Variants in ASTN2 observed in about 807,000 individuals in gnomAD.
ASTN2 encodes the protein astrotactin 2, also known as astrotactin-2.
ASTN2 carries 54 observed loss-of-function variants against 139.8 expected under a neutral mutation model. That is an observed-to-expected ratio of 0.39 (90% CI 0.31 to 0.48). The LOEUF (loss-of-function observed/expected upper bound fraction) is 0.48. Ranked by LOEUF, ASTN2 falls within the 20% of genes least tolerant of loss-of-function variation. The probability of loss-of-function intolerance (pLI) is 0.95; values close to 1 mark genes in which losing one functional copy is unlikely to be tolerated. For synonymous variants in ASTN2, 756 were observed against 719.5 expected, an observed-to-expected ratio of 1.05 and a Z score of -0.81; for missense variants, 1,565 against 1,725.1, an observed-to-expected ratio of 0.91 and a Z score of 1.64.
chr9:117,042,635 A>G (rs1247072769), intron 5 of ASTN2, among the ~76,000 whole-genome samples: 1 of 151,836 alleles, frequency 6.6e-6, no homozygotes, highest in Non-Finnish European at 1.5e-5. Context: ...TATTTATAAT[A>G]TTTATAAATA....
chr9:117,042,747 G>C (rs1016908649), intron 5 of ASTN2, among the ~76,000 whole-genome samples: 4 of 152,106 alleles, frequency 2.6e-5, no homozygotes, highest in Non-Finnish European at 4.4e-5. Context: ...ACCAGGGGTT[G>C]GCACCTTGCA....
chr9:116,612,579 C>T (rs990440076), intron 19 of ASTN2: 2 of 152,160 alleles, frequency 1.3e-5, no homozygotes, highest in African/African-American at 4.8e-5. Context: ...CTCAAAACCG[C>T]TCAACTACAT....
chr9:116,969,104 G>T (rs1836108150), intron 10 of ASTN2, among the ~76,000 whole-genome samples: 1 of 152,004 alleles, frequency 6.6e-6, no homozygotes, highest in Non-Finnish European at 1.5e-5. Context: ...TGGTTTCAAG[G>T]GTAAGTTGGT....
At chr9:116,650,238 GCAT>G (rs1309897677) in intron 17 of ASTN2, among the ~76,000 whole-genome samples, 1 of 152,134 alleles carries the variant, frequency 6.6e-6, no homozygotes, top group African/African-American at 2.4e-5. Flanking sequence ...TGAAATAGTG[GCAT>G]CACTATTCCT....
intron 10 of ASTN2, among the ~76,000 whole-genome samples, chr9:116,972,810 G>A (rs1451107660): frequency 1.3e-5 from 2 of 152,116 alleles, no homozygotes; most frequent in Non-Finnish European, 2.9e-5. Flanking sequence ...GCACGTTCAA[G>A]TTTTCCTTTC....
chr9:117,347,661 T>C (rs116501357), intron 1 of ASTN2, among the ~76,000 whole-genome samples: 16 of 152,324 alleles, frequency 1.1e-4, no homozygotes, highest in African/African-American at 3.6e-4. Context: ...GCAAATGTTT[T>C]TTCTGAAAAT....
At chr9:116,476,569 CT>C (rs1848988144) in intron 20 of ASTN2, among the ~76,000 whole-genome samples, 1 of 152,150 alleles carries the variant, frequency 6.6e-6, no homozygotes, top group African/African-American at 2.4e-5. Context: ...AGGGCAAATA[CT>C]TTGGTTTGGT....
At chr9:117,365,446 G>A (rs1214783429) in intron 1 of ASTN2, among the ~76,000 whole-genome samples, 1 of 152,058 alleles carries the variant, frequency 6.6e-6, no homozygotes, top group African/African-American at 2.4e-5. Flanking sequence ...AGGTTGGCAG[G>A]GTGTCTCAGC....
intron 10 of ASTN2, among the ~76,000 whole-genome samples, chr9:116,907,000 G>A (rs1192582351): frequency 6.6e-6 from 1 of 152,036 alleles, no homozygotes; most frequent in Non-Finnish European, 1.5e-5. Flanking sequence ...CCTTTATTGA[G>A]CAACTATAAT....
chr9:116,806,065 C>T (rs540922537), intron 12 of ASTN2, among the ~76,000 whole-genome samples: 3 of 152,184 alleles, frequency 2.0e-5, no homozygotes, highest in South Asian at 2.1e-4. Flanking sequence ...CCAGCGTGCA[C>T]GTTCACACAC....
chr9:116,637,968 ATGTTC>A (rs1469317268), intron 17 of ASTN2, among the ~76,000 whole-genome samples: 1 of 152,140 alleles, frequency 6.6e-6, no homozygotes, highest in African/African-American at 2.4e-5. Flanking sequence ...ATAAAGAAGG[ATGTTC>A]TAGTAGTGGT....
chr9:117,298,994 T>C (rs1352538970), intron 1 of ASTN2, among the ~76,000 whole-genome samples: 1 of 152,134 alleles, frequency 6.6e-6, no homozygotes, highest in Non-Finnish European at 1.5e-5. Context: ...TACAGAAATT[T>C]ACCTAACATC....
At chr9:116,960,731 A>G (rs1311019486) in intron 10 of ASTN2, among the ~76,000 whole-genome samples, 1 of 152,112 alleles carries the variant, frequency 6.6e-6, no homozygotes, top group East Asian at 1.9e-4. Flanking sequence ...AATCCAGTTT[A>G]GAGATGAAGG....
chr9:117,220,868 G>T (rs755406029), intron 2 of ASTN2, among the ~76,000 whole-genome samples: 1 of 152,182 alleles, frequency 6.6e-6, no homozygotes, highest in African/African-American at 2.4e-5. Context: ...GTCTAAGCTT[G>T]GAGATCACTT....
intron 20 of ASTN2, among the ~76,000 whole-genome samples, chr9:116,461,375 G>C (rs1848481447): frequency 6.6e-6 from 1 of 151,808 alleles, no homozygotes; most frequent in Non-Finnish European, 1.5e-5. Context: ...ACTGTTCTTT[G>C]AATATATGTG....
At chr9:117,412,234 G>A (rs949514224) in intron 1 of ASTN2, among the ~76,000 whole-genome samples, 5 of 152,056 alleles carry the variant, frequency 3.3e-5, no homozygotes, top group Non-Finnish European at 5.9e-5. Flanking sequence ...GCGCTAGGGG[G>A]AAAAGGAGGA....
At chr9:116,643,888 T>C (rs1412231876) in intron 17 of ASTN2, among the ~76,000 whole-genome samples, 1 of 152,204 alleles carries the variant, frequency 6.6e-6, no homozygotes, top group Non-Finnish European at 1.5e-5. Flanking sequence ...TGCATTTGTG[T>C]AGCATATGTA....
intron 7 of ASTN2, among the ~76,000 whole-genome samples, chr9:117,003,556 T>TGTGTGTGTG (rs1412820236): frequency 2.7e-5 from 4 of 146,958 alleles, no homozygotes; most frequent in Non-Finnish European, 4.5e-5. Context: ...TGTGTGTGTA[T>TGTGTGTGTG]TTAAATCTAG....
At chr9:116,798,358 T>C (rs1188829504) in intron 13 of ASTN2, among the ~76,000 whole-genome samples, 1 of 152,198 alleles carries the variant, frequency 6.6e-6, no homozygotes, top group Non-Finnish European at 1.5e-5. Context: ...CTTCAGTAAC[T>C]GAAAGAAAGA....
Sources: gnomAD v4.1 joint callset for allele counts (sites outside exome capture counted in the v4.1 genomes callset) on GRCh38, gnomAD v4.1.1 for gene constraint, MANE v1.5 for transcripts, NCBI Gene and HGNC (gene_info 2026-07-23, HGNC 2026-07-21) for gene names.